BDH1: variants seen among roughly 807,000 people sequenced by gnomAD.
BDH1 encodes 3-hydroxybutyrate dehydrogenase 1, also known as D-beta-hydroxybutyrate dehydrogenase, mitochondrial.
A neutral mutation model predicts 33.1 loss-of-function variants in BDH1; 30 were observed. The observed-to-expected ratio is 0.91, with a 90% CI of 0.68 to 1.23. The LOEUF is 1.23. Among genes scored for constraint, BDH1 ranks in the 50% most tolerant of loss-of-function variants. BDH1 has a pLI of 0.00. For missense variants in BDH1, 443 were observed against 464.4 expected (o/e 0.95, Z 0.42); for synonymous variants, 190 against 183.6 (o/e 1.03, Z -0.28).
upstream of BDH1, chr3:197,556,120 C>T (rs1162572889): frequency 6.6e-6 from 1 of 152,184 alleles, no homozygotes; most frequent in Non-Finnish European, 1.5e-5. Context: ...GCGGCCGTCT[C>T]GCCCCTAAGC....
chr3:197,524,929 C>T (rs1481832338), intron 5 of BDH1, among the ~76,000 whole-genome samples: 1 of 152,176 alleles, frequency 6.6e-6, no homozygotes, highest in Non-Finnish European at 1.5e-5. Flanking sequence ...GGCACTGTGG[C>T]GTGGCCCGCT....
At chr3:197,540,918 A>G (rs988634829) in intron 3 of BDH1, among the ~76,000 whole-genome samples, 1 of 152,146 alleles carries the variant, frequency 6.6e-6, no homozygotes, top group Non-Finnish European at 1.5e-5. Context: ...CAATACCCTG[A>G]CAAGGTGGGT....
intron 5 of BDH1, among the ~76,000 whole-genome samples, chr3:197,531,439 G>GTATA (rs1250043563): frequency 7.0e-6 from 1 of 143,670 alleles, no homozygotes; most frequent in African/African-American, 2.5e-5. Flanking sequence ...ATATATATGT[G>GTATA]TATATATATA....
At chr3:197,519,899 C>T (rs879402479) in intron 6 of BDH1, among the ~76,000 whole-genome samples, 2 of 152,162 alleles carry the variant, frequency 1.3e-5, no homozygotes, top group Admixed American at 1.3e-4. Flanking sequence ...TCATCTCGCC[C>T]CCGTGGCTGG....
chr3:197,514,229 T>A lies in BDH1; in HGVS notation c.562+35A>T. 2 of 1,591,900 alleles carry A rather than the reference T, an allele frequency of 1.3e-6. No individual in the cohort carries two copies. Among genetic ancestry groups the A allele is most frequent in the Non-Finnish European group, 1.7e-6 (2 of 1,166,280 alleles). ...AGCAAAGATGAACACGTGGGGCAGG[T>A]TCAGGGGCAGGAGGGAGCTCCCTTT... is the stretch of plus-strand genomic sequence containing the variant. On this transcript the variant is annotated intron_variant, in intron 7 of 7. Coordinates refer to ENST00000392379, the MANE Select transcript of BDH1 (RefSeq NM_203314.3). The surrounding 1 kb of genome is among the most constrained non-coding windows in gnomAD (Gnocchi z 4.2).
rs145066677 is a variant in BDH1, at chr3:197,533,093, T to A, written c.156+396A>T. Reference sequence around the variant, plus strand: ...GGTTTCTCCATGTTGGCCAGGCTGGTCTTGAACTCCCTACCTTAGTTGATC... The same window carrying A: ...GGTTTCTCCATGTTGGCCAGGCTGGACTTGAACTCCCTACCTTAGTTGATC... On this transcript the variant is annotated intron_variant, in intron 4 of 7. Transcript: ENST00000392379. Among the ~76,000 whole-genome samples, 761 of 152,310 alleles carry A rather than the reference T, an allele frequency of 5.0e-3. 4 individuals are homozygous for A. The highest frequency in any genetic ancestry group is 0.017 in the African/African-American group (727 of 41,566).
chr3:197,569,634 G>C (rs1254534526), intron 1 of BDH1, among the ~76,000 whole-genome samples: 1 of 152,156 alleles, frequency 6.6e-6, no homozygotes, highest in Non-Finnish European at 1.5e-5. Context: ...AATAAAAACT[G>C]ATGGTTTTAC....
At chr3:197,559,622 C>T (rs73085616), upstream of BDH1, among the ~76,000 whole-genome samples, 2,256 of 152,296 alleles carry the variant, frequency 0.015, 63 homozygotes, top group African/African-American at 0.051. Context: ...AGAGACATCT[C>T]AGCTTATCTT....
rs539144971 is a variant in BDH1, at chr3:197,545,451, C to T, written c.83+910G>A. ...GCTGAGAAAAGCACCGCTTCACTGC[C>T]GCAGGCGTCTTGCCACACAAACCCA... On this transcript the variant is annotated intron_variant, in intron 3 of 7. Transcript: ENST00000392379. 2.0e-3 allele frequency among the ~76,000 whole-genome samples: 308 copies of T among 152,332 alleles called. 1 individual carries two copies. Among genetic ancestry groups the T allele is most frequent in the African/African-American group, 6.9e-3 (288 of 41,576 alleles).
intron 6 of BDH1, chr3:197,515,914 ACG>A (rs66502407): frequency 0.14 from 21,473 of 150,476 alleles, 1,648 homozygotes; most frequent in Middle Eastern, 0.24. Context: ...ACACACACAC[ACG>A]CGCGCGCGCG....
At chr3:197,548,618 A>G (rs927069192) in intron 2 of BDH1, among the ~76,000 whole-genome samples, 13 of 151,580 alleles carry the variant, frequency 8.6e-5, no homozygotes, top group African/African-American at 3.2e-4. Context: ...TGGGAGGCTG[A>G]GGCAGGTGGA....
chr3:197,514,256 C>T lies in BDH1; in HGVS notation c.562+8G>A, dbSNP rs181408212. ...CAGGGGCAGGAGGGAGCTCCCTTTCCCACTCACCTTTGGCCCTTCGGATGA... is the reference window on the plus strand; with the variant it reads ...CAGGGGCAGGAGGGAGCTCCCTTTCTCACTCACCTTTGGCCCTTCGGATGA... On this transcript the variant is annotated splice_region_variant and intron_variant, in intron 7 of 7. Coordinates refer to ENST00000392379, the MANE Select transcript of BDH1 (RefSeq NM_203314.3). This position sits in a 1 kb window ranked among gnomAD's most constrained non-coding sequence, Gnocchi z 4.2. 740 of 1,608,306 alleles carry T rather than the reference C, an allele frequency of 4.6e-4. 4 individuals carry two copies. The African/African-American group carries it at 9.0e-3, about 19-fold the overall frequency.
rs188415870 is a variant in BDH1 at position 197,514,145 on chromosome 3, G to C, written c.562+119C>G. On this transcript the variant is annotated intron_variant, in intron 7 of 7. Transcript: ENST00000392379. The surrounding 1 kb of genome is among the most constrained non-coding windows in gnomAD (Gnocchi z 4.2). ...GCCCAGCATAGTCCCTGGGATTCAC[G>C]AGCTCACCTCTGCTGAGTTGTGGAC... The C allele has an allele frequency of 3.9e-4, 526 of 1,333,932 alleles. 1 individual carries two copies. In the African/African-American group the frequency reaches 7.2e-3, roughly 18 times the overall value. The allele number at this position is 1,333,932 out of a possible 1,614,324, so 82.6% of individuals were successfully genotyped here.
chr3:197,531,349 T>C (rs1714625251), intron 5 of BDH1, among the ~76,000 whole-genome samples: 1 of 150,698 alleles, frequency 6.6e-6, no homozygotes, highest in Non-Finnish European at 1.5e-5. Flanking sequence ...TGAGCCAAGA[T>C]TGCACCCACT....
intron 4 of BDH1, 97 bp downstream of exon 4, chr3:197,533,373 TCCCAGTGTCCTGGAAACAC>T: frequency 9.5e-7 from 1 of 1,053,050 alleles, no homozygotes; most frequent in Non-Finnish European, 1.4e-6. Flanking sequence ...AGAAAGTGGC[TCCCAGTGTCCTGGAAACAC>T]TAAGGCCCCA....
chr3:197,565,379 T>G (rs2108775803), intron 1 of BDH1, among the ~76,000 whole-genome samples: 1 of 152,354 alleles, frequency 6.6e-6, no homozygotes, highest in East Asian at 1.9e-4. Flanking sequence ...GTTCTAAACC[T>G]TTGATATTTG....
intron 1 of BDH1, among the ~76,000 whole-genome samples, chr3:197,568,378 A>G (rs1360699923): frequency 6.6e-6 from 1 of 152,028 alleles, no homozygotes; most frequent in East Asian, 1.9e-4. Context: ...ACAGCAAAGG[A>G]AAGAAGCCCA....
At chr3:197,550,000 T>C (rs1451956636) in intron 2 of BDH1, among the ~76,000 whole-genome samples, 1 of 151,150 alleles carries the variant, frequency 6.6e-6, no homozygotes, top group Non-Finnish European at 1.5e-5. Flanking sequence ...GCCATTCCTC[T>C]TCCGAACATT....
rs902129092 is a variant in BDH1 at position 197,514,618 on chromosome 3, C to T, written c.410-202G>A. On this transcript the variant is annotated intron_variant, in intron 6 of 7. Coordinates refer to ENST00000392379, the MANE Select transcript of BDH1 (RefSeq NM_203314.3). The surrounding 1 kb of genome is among the most constrained non-coding windows in gnomAD (Gnocchi z 4.2). ...AAGTGCTGACTGCAGCCCTCCCTTG[C>T]GTCTAGAATGTCCAGTCCTCACGTC... Among the ~76,000 whole-genome samples the T allele has an allele frequency of 9.2e-5, 14 of 152,150 alleles. No homozygotes were observed. The highest frequency in any genetic ancestry group is 7.9e-4 in the Admixed American group (12 of 15,280).
Sources: allele counts gnomAD v4.1 joint callset (sites outside exome capture counted in the v4.1 genomes callset), GRCh38; gene constraint gnomAD v4.1.1; non-coding constraint Gnocchi (gnomAD v3.1); transcripts MANE v1.5; gene names NCBI Gene and HGNC (gene_info 2026-07-23, HGNC 2026-07-21).